CD55: variants seen among roughly 807,000 people sequenced by gnomAD.
CD55 encodes CD55 molecule (Cromer blood group).
In CD55, 41 loss-of-function variants were observed where a neutral mutation model predicts 45.8. The observed-to-expected ratio is 0.90, with a 90% CI of 0.70 to 1.16. CD55 has a LOEUF of 1.16. Ranked by LOEUF, CD55 falls within the 50% of genes most tolerant of loss-of-function variation. The pLI is 0.00. For missense variants in CD55, 416 were observed against 469.8 expected (o/e 0.89, Z 1.06); for synonymous variants, 181 against 181.1 (o/e 1.00, Z 0.01).
intron 9 of CD55, chr1:207,340,372 TA>T: frequency 2.8e-5 from 13 of 456,232 alleles, no homozygotes; most frequent in Admixed American, 4.2e-5. Flanking sequence ...TTTTTATTTT[TA>T]TTTTTTTTTT....
intron 9 of CD55, among the ~76,000 whole-genome samples, chr1:207,349,284 G>A (rs1409891485): frequency 6.6e-6 from 1 of 151,752 alleles, no homozygotes; most frequent in East Asian, 1.9e-4. Flanking sequence ...CTGGGTTCAA[G>A]TGATTCTCTT....
rs1655369637 is a variant in CD55 at position 207,340,380 on chromosome 1, T to C, written c.1081+963T>C. On this transcript the variant is annotated intron_variant, in intron 9 of 9. Transcript: ENST00000367064. Reference sequence around the variant, plus strand: ...TTTCTTTTTTTTATTTTTATTTTTTTTTTGAGACAGGTTCTCGTCCTGTCA... The same window carrying C: ...TTTCTTTTTTTTATTTTTATTTTTTCTTTGAGACAGGTTCTCGTCCTGTCA... 3 of 450,464 alleles carry C rather than the reference T, an allele frequency of 6.7e-6. No homozygotes were observed. In the South Asian group the frequency reaches 1.3e-4, roughly 20 times the overall value. 27.9% of individuals were successfully genotyped at this position (450,464 alleles called of 1,614,324 possible).
intron 9 of CD55, among the ~76,000 whole-genome samples, chr1:207,358,148 G>T (rs930786020): frequency 2.6e-5 from 4 of 152,084 alleles, no homozygotes; most frequent in Non-Finnish European, 1.5e-5. Context: ...TCCTAAGAAA[G>T]AATTTGTCTT....
At chr1:207,340,448 C>T (rs1228523842) in intron 9 of CD55, 1 of 666,964 alleles carries the variant, frequency 1.5e-6, no homozygotes, top group South Asian at 1.6e-5. Context: ...TCACTGCAGT[C>T]TCGAACTCCT....
In CD55 at chr1:207,321,774, C is replaced by A; in HGVS notation, c.9C>A (p.Val3=). The A allele has an allele frequency of 6.6e-7, 1 of 1,517,894 alleles. No homozygotes were observed. The highest frequency in any genetic ancestry group is 8.8e-7 in the Non-Finnish European group (1 of 1,139,270). The allele number at this position is 1,517,894 out of a possible 1,614,324, so 94.0% of individuals were successfully genotyped here. Residue 3 remains valine, a synonymous_variant, in exon 1 of 10, where the codon GTC becomes GTA. Coordinates refer to ENST00000367064, the MANE Select transcript of CD55 (RefSeq NM_000574.5). MT[V]ARPSVPAALP... is the part of the protein sequence containing the mutation. ...TTCTAACCCGGCGCGCCATGACCGTCGCGCGGCCGAGCGTGCCCGCGGCGC... is the reference window on the plus strand; with the variant it reads ...TTCTAACCCGGCGCGCCATGACCGTAGCGCGGCCGAGCGTGCCCGCGGCGC...
rs767328613 is a variant in CD55, at chr1:207,339,385, C to T, written c.1061-12C>T. 2.5e-6 allele frequency: 4 copies of T among 1,598,384 alleles called. No individual in the cohort carries two copies. The East Asian group carries it at 6.8e-5, about 27-fold the overall frequency. ...TTTTGTTGTTAATCCTTTTTTTCCC[C>T]TTCGTCTGTAGGTACTACCCGTCTT... On this transcript the variant is annotated splice_polypyrimidine_tract_variant and intron_variant, in intron 8 of 9. Coordinates refer to ENST00000367064, the MANE Select transcript of CD55 (RefSeq NM_000574.5).
chr1:207,358,727 GTC>G (rs1385187064), intron 9 of CD55: 1 of 152,156 alleles, frequency 6.6e-6, no homozygotes. Flanking sequence ...AGAGGCTTAA[GTC>G]TCTGTCACTA....
At chr1:207,348,232 T>G (rs1655726286) in intron 9 of CD55, among the ~76,000 whole-genome samples, 1 of 152,244 alleles carries the variant, frequency 6.6e-6, no homozygotes, top group African/African-American at 2.4e-5. Flanking sequence ...CAACATTTGT[T>G]ATTTTTTCAC....
chr1:207,355,931 A>T (rs1165960018), intron 9 of CD55, among the ~76,000 whole-genome samples: 1 of 152,220 alleles, frequency 6.6e-6, no homozygotes. Context: ...TATTCTAAAT[A>T]TATTTCTTCC....
chr1:207,350,573 T>G (rs1655826497), intron 9 of CD55, among the ~76,000 whole-genome samples: 1 of 152,226 alleles, frequency 6.6e-6, no homozygotes, highest in Non-Finnish European at 1.5e-5. Context: ...TTCTTCCTGG[T>G]TCAATCTTAG....
intron 9 of CD55, among the ~76,000 whole-genome samples, chr1:207,341,203 C>T (rs573838282): frequency 6.6e-6 from 1 of 152,262 alleles, no homozygotes; most frequent in South Asian, 2.1e-4. Context: ...ATATTTTCTT[C>T]CATTTAGCAG....
intron 6 of CD55, among the ~76,000 whole-genome samples, chr1:207,335,146 C>T (rs1039577896): frequency 2.7e-5 from 4 of 150,878 alleles, no homozygotes; most frequent in African/African-American, 7.4e-5. Context: ...CTATATGTAG[C>T]AAAAATGGAC....
intron 9 of CD55, among the ~76,000 whole-genome samples, chr1:207,356,190 T>A (rs1656068744): frequency 6.6e-6 from 1 of 152,194 alleles, no homozygotes; most frequent in Non-Finnish European, 1.5e-5. Context: ...ATTCTAGTCA[T>A]TGGACTATGG....
chr1:207,339,349 CT>C, intron 8 of CD55, 47 bp from the exon 9 acceptor site: 1 of 1,510,422 alleles, frequency 6.6e-7, no homozygotes, highest in South Asian at 1.2e-5. Context: ...AAATCAATGA[CT>C]TTAACAAATT....
chr1:207,345,459 C>CAT, intron 9 of CD55, among the ~76,000 whole-genome samples: 1 of 151,744 alleles, frequency 6.6e-6, no homozygotes, highest in Non-Finnish European at 1.5e-5. Context: ...CATTAATATC[C>CAT]TGAATTGTTT....
chr1:207,354,456 C>A (rs1470711532), intron 9 of CD55, among the ~76,000 whole-genome samples: 2 of 152,188 alleles, frequency 1.3e-5, no homozygotes, highest in Non-Finnish European at 2.9e-5. Flanking sequence ...TTCAACACTG[C>A]AATACAGTTC....
In CD55 at chr1:207,321,868, GAGTA is replaced by G. The variant is rs1297696270; in HGVS notation, c.100+4_100+7del. 6.6e-7 allele frequency: 1 copy of G among 1,522,518 alleles called. No homozygotes were observed. Among genetic ancestry groups the G allele is most frequent in the Non-Finnish European group, 8.8e-7 (1 of 1,139,596 alleles). 94.3% of individuals were successfully genotyped at this position (1,522,518 alleles called of 1,614,324 possible). Reference sequence around the variant, plus strand: ...GTTGTGCCTGCCGGCCGTGTGGGGTGAGTAGGGGCCCGGCGGCCGGGGAAGCCCC... The same window carrying G: ...GTTGTGCCTGCCGGCCGTGTGGGGTGGGGGCCCGGCGGCCGGGGAAGCCCC... On this transcript the variant is annotated splice_donor_5th_base_variant and intron_variant, in intron 1 of 9. Coordinates refer to ENST00000367064, the MANE Select transcript of CD55 (RefSeq NM_000574.5).
intron 9 of CD55, 23 bp downstream of exon 9, chr1:207,339,440 T>G (rs1238463752): frequency 6.3e-7 from 1 of 1,585,304 alleles, no homozygotes; most frequent in Non-Finnish European, 8.6e-7. Flanking sequence ...CTCAGGCCAT[T>G]AAAAGAAATT....
At chr1:207,337,458 G>A in intron 8 of CD55, 49 bp downstream of exon 8, 1 of 1,006,608 alleles carries the variant, frequency 9.9e-7, no homozygotes, top group Non-Finnish European at 1.6e-6. Flanking sequence ...AATGTGCTAT[G>A]GTGGAAATAT....
Sources: gnomAD v4.1 joint callset for allele counts (sites outside exome capture counted in the v4.1 genomes callset) on GRCh38, gnomAD v4.1.1 for gene constraint, MANE v1.5 for transcripts, NCBI Gene and HGNC (gene_info 2026-07-23, HGNC 2026-07-21) for gene names.